USO1: variants seen among roughly 807,000 people sequenced by gnomAD.
USO1 encodes the protein USO1 vesicle transport factor.
A neutral mutation model predicts 124.5 loss-of-function variants in USO1; 57 were observed. That is an observed-to-expected ratio of 0.46 (90% confidence interval 0.37 to 0.57). USO1 has a LOEUF of 0.57. USO1 is among the 20% of genes least tolerant of loss of function. The pLI, the probability that USO1 is intolerant of heterozygous loss-of-function variation, is 0.00. For missense variants in USO1, 900 were observed against 1,040.6 expected, an observed-to-expected ratio of 0.86 and a Z score of 1.86; for synonymous variants, 369 against 362.8, an observed-to-expected ratio of 1.02 and a Z score of -0.19.
At chr4:75,768,903 G>A (rs1245182391) in intron 4 of USO1, among the ~76,000 whole-genome samples, 1 of 152,152 alleles carries the variant, frequency 6.6e-6, no homozygotes, top group Non-Finnish European at 1.5e-5. Flanking sequence ...CTTGGTATAT[G>A]CACTTGGATT....
rs749115003 is a variant in USO1, at chr4:75,770,866, T to A, written c.441T>A (p.Thr147=). 1 of 1,613,854 alleles carries A rather than the reference T, an allele frequency of 6.2e-7. No homozygotes were observed. The change falls in exon 6 of 24, where the codon ACT becomes ACA. Residue 147 remains threonine, a synonymous_variant. Coordinates refer to ENST00000514213, the MANE Select transcript of USO1 (RefSeq NM_003715.4). The part of the protein sequence containing the change: ...HVRWPGVKLL[T]SLLKQLGPQV... ...GCTGGCCTGGTGTGAAGCTTCTTAC[T>A]TCTCTTTTAAAACAACTAGGGCCTC... is the stretch of plus-strand genomic sequence containing the variant.
At chr4:75,734,506 G>A (rs957997764) in intron 1 of USO1, among the ~76,000 whole-genome samples, 2 of 151,962 alleles carry the variant, frequency 1.3e-5, no homozygotes, top group Non-Finnish European at 2.9e-5. Context: ...TCTGTAATAG[G>A]CTGTTTTGGT....
intron 4 of USO1, among the ~76,000 whole-genome samples, chr4:75,766,836 C>T (rs1034034384): frequency 1.3e-5 from 2 of 152,168 alleles, no homozygotes; most frequent in African/African-American, 2.4e-5. Flanking sequence ...TTTAACTGGT[C>T]TTACTCAAAA....
At chr4:75,749,133 A>T (rs1007088957) in intron 1 of USO1, among the ~76,000 whole-genome samples, 4 of 152,162 alleles carry the variant, frequency 2.6e-5, no homozygotes, top group African/African-American at 9.6e-5. Flanking sequence ...ATATGAAGAA[A>T]TGCAAATCAG....
chr4:75,758,391 T>A (rs867436847), intron 4 of USO1, among the ~76,000 whole-genome samples: 1 of 152,318 alleles, frequency 6.6e-6, no homozygotes, highest in Middle Eastern at 3.4e-3. Flanking sequence ...TGAAGTTATA[T>A]GATCTCTCAA....
At chr4:75,735,104 T>C (rs1720751062) in intron 1 of USO1, among the ~76,000 whole-genome samples, 1 of 152,152 alleles carries the variant, frequency 6.6e-6, no homozygotes, top group African/African-American at 2.4e-5. Flanking sequence ...CTATTATTTC[T>C]TTCAGCAATG....
chr4:75,734,822 G>GGGTTCAAGT (rs1391971934), intron 1 of USO1, among the ~76,000 whole-genome samples: 2 of 131,836 alleles, frequency 1.5e-5, no homozygotes. Flanking sequence ...TCTGTCTCCC[G>GGGTTCAAGT]GGTTCAAGTG....
intron 7 of USO1, among the ~76,000 whole-genome samples, chr4:75,771,852 C>A (rs1037329409): frequency 6.6e-6 from 1 of 152,086 alleles, no homozygotes; most frequent in African/African-American, 2.4e-5. Flanking sequence ...GATAAAAATT[C>A]TGTAATATTT....
At chr4:75,745,344 G>A (rs767464782) in intron 1 of USO1, 5 of 519,962 alleles carry the variant, frequency 9.6e-6, no homozygotes, top group Non-Finnish European at 1.5e-5. Context: ...TTGTCAGGGT[G>A]TTTAGTAGAC....
intron 7 of USO1, among the ~76,000 whole-genome samples, chr4:75,771,967 A>G (rs1021845177): frequency 6.6e-6 from 1 of 152,204 alleles, no homozygotes; most frequent in African/African-American, 2.4e-5. Flanking sequence ...GAAACCAAGT[A>G]AAGTTAAGTG....
At chr4:75,752,990 G>A (rs980884966) in intron 3 of USO1, among the ~76,000 whole-genome samples, 1 of 152,106 alleles carries the variant, frequency 6.6e-6, no homozygotes, top group African/African-American at 2.4e-5. Flanking sequence ...TTTGAATTGG[G>A]CAAGTGGTAT....
intron 1 of USO1, among the ~76,000 whole-genome samples, chr4:75,739,813 G>C (rs573395441): frequency 1.0e-3 from 159 of 152,116 alleles, no homozygotes; most frequent in African/African-American, 3.7e-3. Flanking sequence ...AAAGTGCTGG[G>C]ATTACAGGCG....
chr4:75,730,935 G>A (rs980826659), intron 1 of USO1, among the ~76,000 whole-genome samples: 1 of 151,964 alleles, frequency 6.6e-6, no homozygotes, highest in Admixed American at 6.6e-5. Flanking sequence ...AAAAACTTTT[G>A]TGGTGTTAGA....
At chr4:75,747,302 G>A (rs576269743) in intron 1 of USO1, among the ~76,000 whole-genome samples, 30 of 152,140 alleles carry the variant, frequency 2.0e-4, no homozygotes, top group Middle Eastern at 3.4e-3. Context: ...TTTGAGGCAG[G>A]GTCTTGCTCT....
chr4:75,792,860 CTTTCTA>C (rs2149183204), intron 12 of USO1, among the ~76,000 whole-genome samples: 1 of 152,248 alleles, frequency 6.6e-6, no homozygotes, highest in Non-Finnish European at 1.5e-5. Context: ...TGATAACCAC[CTTTCTA>C]ATCTCTGTGT....
chr4:75,779,214 C>G (rs1722153566), intron 8 of USO1, among the ~76,000 whole-genome samples: 1 of 152,156 alleles, frequency 6.6e-6, no homozygotes, highest in Non-Finnish European at 1.5e-5. Flanking sequence ...CTTCCCCTCC[C>G]TCCCTCGGGC....
At chr4:75,792,291 C>T (rs1206659173) in intron 12 of USO1, among the ~76,000 whole-genome samples, 1 of 151,916 alleles carries the variant, frequency 6.6e-6, no homozygotes, top group Non-Finnish European at 1.5e-5. Flanking sequence ...AATCCCAGCA[C>T]TTTGGGAGGC....
At chr4:75,783,949 A>T (rs567437287) in intron 9 of USO1, among the ~76,000 whole-genome samples, 3 of 152,352 alleles carry the variant, frequency 2.0e-5, no homozygotes, top group African/African-American at 7.2e-5. Flanking sequence ...TAAGAAGTTA[A>T]TAGTTTTTTA....
intron 20 of USO1, among the ~76,000 whole-genome samples, chr4:75,807,884 G>C (rs1345969557): frequency 6.6e-6 from 1 of 151,708 alleles, no homozygotes; most frequent in Non-Finnish European, 1.5e-5. Context: ...ACTTTAGATT[G>C]TTAAAATATA....
Sources: gnomAD v4.1 joint callset for allele counts (sites outside exome capture counted in the v4.1 genomes callset) on GRCh38, gnomAD v4.1.1 for gene constraint, MANE v1.5 for transcripts, NCBI Gene and HGNC (gene_info 2026-07-23, HGNC 2026-07-21) for gene names.